TEX11: variants seen among roughly 807,000 people sequenced by gnomAD.
TEX11 encodes the protein testis expressed 11.
TEX11 carries 7 observed loss-of-function variants against 84.4 expected under a neutral mutation model. The ratio of observed to expected loss-of-function variants is 0.08; its 90% CI spans 0.05 to 0.16. The LOEUF (loss-of-function observed/expected upper bound fraction) is 0.16. TEX11 is among the 10% of genes least tolerant of loss of function. TEX11 has a pLI of 1.00. For synonymous variants in TEX11, 264 were observed against 222.8 expected, an observed-to-expected ratio of 1.18 and a Z score of -1.64; for missense variants, 551 against 660.5, an observed-to-expected ratio of 0.83 and a Z score of 1.82.
intron 11 of TEX11, among the ~76,000 whole-genome samples, chrX:70,727,308 T>A (rs5936966): frequency 1.8e-5 from 2 of 110,724 alleles, no homozygotes; most frequent in Non-Finnish European, 3.8e-5. Flanking sequence ...AATGTACTCA[T>A]TTCTAGTGTG....
At chrX:70,727,584 G>T (rs1278037801) in intron 11 of TEX11, among the ~76,000 whole-genome samples, 1 of 111,499 alleles carries the variant, frequency 9.0e-6, no homozygotes, top group Non-Finnish European at 1.9e-5. Context: ...ATATACAGTT[G>T]CTATGGACCG....
intron 14 of TEX11, among the ~76,000 whole-genome samples, chrX:70,679,859 G>A (rs1205237548): frequency 1.1e-5 from 1 of 89,884 alleles, no homozygotes; most frequent in African/African-American, 4.1e-5. Context: ...CCGGCCAGCC[G>A]CCCCGTCCGG....
intron 17 of TEX11, among the ~76,000 whole-genome samples, chrX:70,632,162 G>A (rs936938453): frequency 2.0e-4 from 22 of 109,158 alleles, no homozygotes; most frequent in Admixed American, 1.5e-3. Flanking sequence ...CAAAATTTGT[G>A]TATCGTCACT....
At chrX:70,864,819 A>T (rs939122678) in intron 4 of TEX11, among the ~76,000 whole-genome samples, 1 of 109,954 alleles carries the variant, frequency 9.1e-6, no homozygotes, top group Admixed American at 9.8e-5. Context: ...CTTCACGAGC[A>T]AAAGAGATTT....
chrX:70,880,701 C>G (rs1038765215), intron 2 of TEX11, among the ~76,000 whole-genome samples: 11 of 111,591 alleles, frequency 9.9e-5, no homozygotes, highest in Non-Finnish European at 1.9e-4. Flanking sequence ...AAGCATTAGA[C>G]AGACATAGCT....
At chrX:70,519,231 G>GT in the TEX11 span, among the ~76,000 whole-genome samples, 3 of 112,076 alleles carry the variant, frequency 2.7e-5, no homozygotes, top group Non-Finnish European at 5.6e-5. Context: ...AATTTGGCAT[G>GT]TTTTTGCAGT....
chrX:70,693,764 T>A (rs2090256596), intron 13 of TEX11, among the ~76,000 whole-genome samples: 1 of 111,870 alleles, frequency 8.9e-6, no homozygotes, highest in African/African-American at 3.2e-5. Flanking sequence ...AGAGAGTGGA[T>A]CTTAAGTATT....
intron 2 of TEX11, among the ~76,000 whole-genome samples, chrX:70,889,576 T>C (rs765848392): frequency 9.0e-6 from 1 of 111,376 alleles, no homozygotes. Flanking sequence ...AAATAACAAC[T>C]ACAACTTTTC....
At chrX:70,692,679 G>A (rs1012351019) in intron 13 of TEX11, among the ~76,000 whole-genome samples, 1 of 106,423 alleles carries the variant, frequency 9.4e-6, no homozygotes, top group East Asian at 2.9e-4. Flanking sequence ...ATATATATAT[G>A]TATATATATA....
intron 4 of TEX11, among the ~76,000 whole-genome samples, chrX:70,866,798 A>G (rs956508033): frequency 1.8e-5 from 2 of 112,215 alleles, no homozygotes; most frequent in African/African-American, 6.5e-5. Flanking sequence ...CAAAAACCAC[A>G]TGATTATCTC....
chrX:70,564,450 A>T (rs1332257454), intron 25 of TEX11, among the ~76,000 whole-genome samples: 1 of 109,685 alleles, frequency 9.1e-6, no homozygotes, highest in Non-Finnish European at 1.9e-5. Flanking sequence ...CATGTGCACA[A>T]TGTGCAGGTT....
intron 14 of TEX11, among the ~76,000 whole-genome samples, chrX:70,682,328 A>G (rs1201258198): frequency 8.9e-6 from 1 of 111,986 alleles, no homozygotes; most frequent in Non-Finnish European, 1.9e-5. Flanking sequence ...TGAAAAAAAA[A>G]TCAAGGTCCT....
chrX:70,669,814 T>A (rs2090007028), intron 16 of TEX11, among the ~76,000 whole-genome samples: 2 of 112,795 alleles, frequency 1.8e-5, no homozygotes, highest in Non-Finnish European at 3.8e-5. Flanking sequence ...TACCATATGA[T>A]AACCAAAGGA....
chrX:70,631,436 T>A (rs1330035020), intron 17 of TEX11, among the ~76,000 whole-genome samples: 1 of 111,876 alleles, frequency 8.9e-6, no homozygotes. Flanking sequence ...TGGAAAGTAT[T>A]TGGAACCAAA....
chrX:70,876,701 G>A (rs181865477), intron 3 of TEX11, among the ~76,000 whole-genome samples: 1 of 111,496 alleles, frequency 9.0e-6, no homozygotes, highest in South Asian at 3.8e-4. Context: ...AGGGCAGATT[G>A]CTTGAGCTCA....
chrX:70,817,230 TACACACACACACACATATATATATAC>T (rs1479925126), intron 8 of TEX11, among the ~76,000 whole-genome samples: 3 of 85,517 alleles, frequency 3.5e-5, no homozygotes, highest in African/African-American at 1.3e-4. Flanking sequence ...CACATACACA[TACACACACACACACATATATATATAC>T]ACACACACAC....
chrX:70,809,974 TTAAAAA>T (rs1437515449), intron 8 of TEX11, among the ~76,000 whole-genome samples: 6 of 112,106 alleles, frequency 5.4e-5, no homozygotes, highest in African/African-American at 1.9e-4. Context: ...CAAGTAGGCA[TTAAAAA>T]GTAATATGAA....
At chrX:70,546,473 A>G (rs1310988997) in intron 28 of TEX11, among the ~76,000 whole-genome samples, 1 of 111,538 alleles carries the variant, frequency 9.0e-6, no homozygotes. Flanking sequence ...AGACTAGGAG[A>G]AAATACTTAC....
intron 24 of TEX11, among the ~76,000 whole-genome samples, chrX:70,600,207 C>A (rs1468739798): frequency 8.9e-6 from 1 of 111,797 alleles, no homozygotes; most frequent in Non-Finnish European, 1.9e-5. Flanking sequence ...TTAACGATTG[C>A]CATTCTAACT....
Sources: allele counts gnomAD v4.1 joint callset (sites outside exome capture counted in the v4.1 genomes callset), GRCh38; gene constraint gnomAD v4.1.1; transcripts MANE v1.5; gene names NCBI Gene and HGNC (gene_info 2026-07-23, HGNC 2026-07-21).